Variants in AMOTL1 observed in about 807,000 individuals in gnomAD.
The protein encoded by AMOTL1 is angiomotin-like protein 1.
Under a neutral mutation model 102.9 loss-of-function variants are expected in AMOTL1, and 45 were observed. The ratio of observed to expected loss-of-function variants is 0.44; its 90% CI spans 0.34 to 0.56. AMOTL1 has a LOEUF of 0.56. Ranked by LOEUF, AMOTL1 falls within the 20% of genes least tolerant of loss-of-function variation. The pLI, the probability that AMOTL1 is intolerant of heterozygous loss-of-function variation, is 0.01. For missense variants in AMOTL1, 1,114 were observed against 1,225.6 expected (o/e 0.91, Z 1.36); for synonymous variants, 481 against 484.7 (o/e 0.99, Z 0.10).
At chr11:94,765,146 C>T (rs1950840947), upstream of AMOTL1, among the ~76,000 whole-genome samples, 1 of 152,166 alleles carries the variant, frequency 6.6e-6, no homozygotes, top group Admixed American at 6.5e-5. Flanking sequence ...TAAAATTGGC[C>T]CATCATCTTC....
At chr11:94,749,913 G>A (rs186202552) in intron 3 of AMOTL1, among the ~76,000 whole-genome samples, 4 of 152,306 alleles carry the variant, frequency 2.6e-5, no homozygotes, top group Admixed American at 6.5e-5. Flanking sequence ...AGAAGGATGG[G>A]TTGAGATTCA....
At chr11:94,782,906 T>G (rs7112716) in intron 1 of AMOTL1, among the ~76,000 whole-genome samples, 6,127 of 152,214 alleles carry the variant, frequency 0.04, 406 homozygotes, top group African/African-American at 0.14. Context: ...GTTTTAAAAC[T>G]TTTTTTTCAT....
chr11:94,715,168 G>C (rs1244256317), intron 1 of AMOTL1, among the ~76,000 whole-genome samples: 2 of 152,030 alleles, frequency 1.3e-5, no homozygotes, highest in African/African-American at 2.4e-5. Context: ...TGTGCCTAAA[G>C]GTTTTTCTGT....
At chr11:94,814,182 A>G (rs1406033029) in intron 3 of AMOTL1, among the ~76,000 whole-genome samples, 5 of 152,162 alleles carry the variant, frequency 3.3e-5, no homozygotes, top group Non-Finnish European at 5.9e-5. Flanking sequence ...AACCAAGGAG[A>G]GAGGCTGAAA....
At chr11:94,842,319 A>C (rs182633091) in intron 6 of AMOTL1, among the ~76,000 whole-genome samples, 1 of 152,256 alleles carries the variant, frequency 6.6e-6, no homozygotes, top group East Asian at 1.9e-4. Context: ...AGTAGGAAAA[A>C]TGAGACAGAC....
intron 3 of AMOTL1, among the ~76,000 whole-genome samples, chr11:94,741,445 C>G (rs1950526159): frequency 6.6e-6 from 1 of 151,982 alleles, no homozygotes; most frequent in Admixed American, 6.6e-5. Context: ...TTAATGAAGT[C>G]AGGGGCTGAA....
At chr11:94,771,008 T>C (rs2135515762) in intron 1 of AMOTL1, among the ~76,000 whole-genome samples, 1 of 152,294 alleles carries the variant, frequency 6.6e-6, no homozygotes, top group Middle Eastern at 3.4e-3. Flanking sequence ...TGTTGAAAGG[T>C]ATAGCCTCTA....
At chr11:94,869,558 G>A in intron 12 of AMOTL1, 85 bp downstream of exon 12, 6 of 1,437,684 alleles carry the variant, frequency 4.2e-6, no homozygotes, top group Non-Finnish European at 5.5e-6. Flanking sequence ...TAGAGAGGAA[G>A]CAGGGGCACC....
intron 3 of AMOTL1, among the ~76,000 whole-genome samples, chr11:94,756,723 T>G (rs1363070879): frequency 6.6e-6 from 1 of 152,218 alleles, no homozygotes; most frequent in Non-Finnish European, 1.5e-5. Context: ...TCTTCTCTTT[T>G]CTACACTAGA....
At chr11:94,770,683 C>T (rs1473290652) in intron 1 of AMOTL1, among the ~76,000 whole-genome samples, 2 of 152,120 alleles carry the variant, frequency 1.3e-5, no homozygotes, top group African/African-American at 4.8e-5. Flanking sequence ...ACTAATTTTC[C>T]AAAGGGCATG....
At chr11:94,718,512 A>G (rs1950129400) in intron 1 of AMOTL1, among the ~76,000 whole-genome samples, 1 of 151,992 alleles carries the variant, frequency 6.6e-6, no homozygotes, top group Admixed American at 6.6e-5. Flanking sequence ...TTGCCATTTA[A>G]AAACTGTTTT....
chr11:94,851,631 G>A (rs1246157927), intron 7 of AMOTL1, among the ~76,000 whole-genome samples: 1 of 152,208 alleles, frequency 6.6e-6, no homozygotes, highest in East Asian at 1.9e-4. Flanking sequence ...TGGCCTGTCA[G>A]CTGTGTGACC....
intron 10 of AMOTL1, among the ~76,000 whole-genome samples, chr11:94,865,686 A>T (rs1443127856): frequency 6.6e-6 from 1 of 152,094 alleles, no homozygotes; most frequent in East Asian, 1.9e-4. Flanking sequence ...CGGTCCAGGA[A>T]TGTGGCCACG....
chr11:94,726,138 G>T (rs1487837888), intron 1 of AMOTL1, among the ~76,000 whole-genome samples: 3 of 152,178 alleles, frequency 2.0e-5, no homozygotes, highest in African/African-American at 4.8e-5. Flanking sequence ...CAAGTTTCTG[G>T]CTTGGGCAGC....
chr11:94,809,434 A>G (rs1161589129), intron 3 of AMOTL1, among the ~76,000 whole-genome samples: 1 of 152,218 alleles, frequency 6.6e-6, no homozygotes, highest in Non-Finnish European at 1.5e-5. Context: ...ACTGACATGC[A>G]CTGACATCAG....
At chr11:94,764,477 C>T (rs558104120), upstream of AMOTL1, among the ~76,000 whole-genome samples, 1 of 152,300 alleles carries the variant, frequency 6.6e-6, no homozygotes, top group East Asian at 1.9e-4. Flanking sequence ...GCATTTTGAT[C>T]AAAGCAGCCT....
At chr11:94,712,516 A>C (rs575140982) in intron 1 of AMOTL1, among the ~76,000 whole-genome samples, 1 of 152,224 alleles carries the variant, frequency 6.6e-6, no homozygotes, top group East Asian at 1.9e-4. Flanking sequence ...GCTTCTGTGC[A>C]ACAAAAGAAA....
At chr11:94,861,997 A>G (rs572897314) in intron 9 of AMOTL1, among the ~76,000 whole-genome samples, 22 of 152,286 alleles carry the variant, frequency 1.4e-4, no homozygotes, top group African/African-American at 4.6e-4. Context: ...TGCAAGGGGA[A>G]ATGACTCTTA....
chr11:94,739,948 G>A (rs1479384632), intron 2 of AMOTL1, among the ~76,000 whole-genome samples: 4 of 152,160 alleles, frequency 2.6e-5, no homozygotes, highest in Non-Finnish European at 5.9e-5. Flanking sequence ...TCTACATTCT[G>A]TATTTGAAAG....
Sources: gnomAD v4.1 joint callset for allele counts (sites outside exome capture counted in the v4.1 genomes callset) on GRCh38, gnomAD v4.1.1 for gene constraint, MANE v1.5 for transcripts, NCBI Gene and HGNC (gene_info 2026-07-23, HGNC 2026-07-21) for gene names.